Variants in ABCC4 observed in about 807,000 individuals in gnomAD.
ABCC4 encodes ATP-binding cassette sub-family C member 4.
Under a neutral mutation model 168.5 loss-of-function variants are expected in ABCC4, and 102 were observed. The ratio of observed to expected loss-of-function variants is 0.61; its 90% CI spans 0.52 to 0.71. The LOEUF is 0.71. Ranked by LOEUF, ABCC4 falls within the 30% of genes least tolerant of loss-of-function variation. ABCC4 has a pLI of 0.00. For missense variants in ABCC4, 1,402 were observed against 1,605.8 expected (o/e 0.87, Z 2.17); for synonymous variants, 617 against 590.7 (o/e 1.04, Z -0.65).
chr13:95,203,708 G>T (rs979642574), intron 8 of ABCC4, among the ~76,000 whole-genome samples: 12 of 151,842 alleles, frequency 7.9e-5, no homozygotes, highest in African/African-American at 2.4e-4. Context: ...ACAAGAGCAG[G>T]TCCACCAAGT....
chr13:95,083,771 C>A (rs1344427526), intron 20 of ABCC4, among the ~76,000 whole-genome samples: 1 of 152,114 alleles, frequency 6.6e-6, no homozygotes, highest in African/African-American at 2.4e-5. Flanking sequence ...GATCTGCCCA[C>A]CTCTGCCTCC....
chr13:95,080,340 G>A (rs2619308), intron 21 of ABCC4, among the ~76,000 whole-genome samples: 128,198 of 152,200 alleles, frequency 0.84, 55,769 homozygotes, highest in Non-Finnish European at 0.95. Context: ...GACTGTTGAT[G>A]TGGTGACTCT....
chr13:95,069,801 C>G (rs1319437078), intron 25 of ABCC4, among the ~76,000 whole-genome samples: 1 of 152,204 alleles, frequency 6.6e-6, no homozygotes, highest in Non-Finnish European at 1.5e-5. Flanking sequence ...GAATCACCTT[C>G]TTTTTAAGTC....
chr13:95,163,776 A>C, intron 16 of ABCC4, 129 bp from the exon 17 acceptor site: 6 of 740,720 alleles, frequency 8.1e-6, no homozygotes, highest in Non-Finnish European at 1.4e-5. Flanking sequence ...TCATGCTTGT[A>C]AACCCCAGCA....
intron 3 of ABCC4, among the ~76,000 whole-genome samples, chr13:95,245,230 T>C (rs1022827173): frequency 6.6e-5 from 10 of 152,202 alleles, no homozygotes; most frequent in Non-Finnish European, 1.2e-4. Context: ...TTCAATTTCA[T>C]AAGCAGCTGG....
chr13:95,249,090 G>C (rs2040190442), intron 1 of ABCC4, among the ~76,000 whole-genome samples: 1 of 151,912 alleles, frequency 6.6e-6, no homozygotes, highest in Non-Finnish European at 1.5e-5. Flanking sequence ...ATGTACTGGT[G>C]TAAGCCTGTG....
At chr13:95,250,486 G>T (rs1268220082) in intron 1 of ABCC4, among the ~76,000 whole-genome samples, 1 of 152,094 alleles carries the variant, frequency 6.6e-6, no homozygotes, top group Non-Finnish European at 1.5e-5. Context: ...AAGACAGATG[G>T]GTAGAGTACC....
chr13:95,256,405 C>T (rs1462143805), intron 1 of ABCC4, among the ~76,000 whole-genome samples: 1 of 152,206 alleles, frequency 6.6e-6, no homozygotes, highest in Non-Finnish European at 1.5e-5. Context: ...ATGCAGGGCT[C>T]ATTGTTGCCA....
At chr13:95,034,922 T>G (rs2032054830) in intron 29 of ABCC4, among the ~76,000 whole-genome samples, 183 bp from the exon 30 acceptor site, 1 of 152,164 alleles carries the variant, frequency 6.6e-6, no homozygotes, top group Non-Finnish European at 1.5e-5. Context: ...AACCTGACCT[T>G]TTATTACTAT....
chr13:95,119,710 T>C (rs9584281), intron 19 of ABCC4, among the ~76,000 whole-genome samples: 3,146 of 152,324 alleles, frequency 0.021, 41 homozygotes, highest in African/African-American at 0.038. Context: ...TAAGTTCCCA[T>C]GTCTACTGTG....
chr13:95,140,113 C>A (rs1001359725), intron 19 of ABCC4, among the ~76,000 whole-genome samples: 1 of 152,208 alleles, frequency 6.6e-6, no homozygotes, highest in African/African-American at 2.4e-5. Flanking sequence ...TTCCAAAAGT[C>A]TCCTCACTCA....
At chr13:95,104,403 C>T (rs915413577) in intron 20 of ABCC4, among the ~76,000 whole-genome samples, 6 of 152,220 alleles carry the variant, frequency 3.9e-5, no homozygotes, top group African/African-American at 1.4e-4. Context: ...CATGAAAAAA[C>T]ATGTCCGGGT....
At chr13:95,140,549 G>A (rs2036286717) in intron 19 of ABCC4, among the ~76,000 whole-genome samples, 1 of 152,162 alleles carries the variant, frequency 6.6e-6, no homozygotes, top group Non-Finnish European at 1.5e-5. Context: ...GAACTAAGAA[G>A]AGAGGAGAAA....
At chr13:95,131,108 C>G (rs1158244661) in intron 19 of ABCC4, among the ~76,000 whole-genome samples, 1 of 152,052 alleles carries the variant, frequency 6.6e-6, no homozygotes. Flanking sequence ...GTGCGTGCCA[C>G]CTAAATTAAT....
At position 95,113,567 on chromosome 13, in the gene ABCC4, T is replaced by TA. The variant is rs10719221; in HGVS notation, c.2535+2354dup. Among the ~76,000 whole-genome samples the TA allele has an allele frequency of 0.01, 1,535 of 147,428 alleles. 67 individuals carry two copies. In the East Asian group the frequency reaches 0.14, roughly 13 times the overall value. On this transcript the variant is annotated intron_variant, in intron 20 of 30. Transcript: ENST00000645237. ...TCCTTACAGAGAGGCCTAGGCAACT[T>TA]AAAAAAAAAAAAAAAAAATTACATT...
At chr13:95,135,442 T>C (rs1215791814) in intron 19 of ABCC4, among the ~76,000 whole-genome samples, 1 of 151,214 alleles carries the variant, frequency 6.6e-6, no homozygotes, top group Non-Finnish European at 1.5e-5. Context: ...TGAGAGGGTC[T>C]TGCTCTGTTG....
chr13:95,281,001 A>G (rs1403504329), intron 1 of ABCC4, among the ~76,000 whole-genome samples: 1 of 152,094 alleles, frequency 6.6e-6, no homozygotes, highest in Non-Finnish European at 1.5e-5. Context: ...AAGAGAACAG[A>G]GCCATCTCTT....
At chr13:95,240,352 T>C (rs1165530788) in intron 3 of ABCC4, among the ~76,000 whole-genome samples, 1 of 152,010 alleles carries the variant, frequency 6.6e-6, no homozygotes. Flanking sequence ...GCCAACATGG[T>C]GAAACCCCAT....
In ABCC4 at chr13:95,163,173, C is replaced by G; in HGVS notation, c.2257G>C (p.Gly753Arg). 1 of 1,613,306 alleles carries G rather than the reference C, an allele frequency of 6.2e-7. No individual in the cohort carries two copies. The highest frequency in any genetic ancestry group is 8.5e-7 in the Non-Finnish European group (1 of 1,179,520). Reference protein sequence around the residue: ...SMLNVTVNGGGNVTEKLDLNW... With the variant: ...SMLNVTVNGGRNVTEKLDLNW... ...AGATCTAGCTTCTCGGTTACATTTC[C>G]TCCTCCATTTACAGTGACATTTAGC... is the stretch of plus-strand genomic sequence containing the variant. Residue 753 changes from glycine (G) to arginine (R), a missense_variant, in exon 18 of 31, where the codon GGA becomes CGA. By Grantham distance (125) the Gly-to-Arg change is moderately radical (BLOSUM62 -2). Transcript: ENST00000645237.
Sources: allele counts gnomAD v4.1 joint callset (sites outside exome capture counted in the v4.1 genomes callset), GRCh38; gene constraint gnomAD v4.1.1; transcripts MANE v1.5; gene names NCBI Gene and HGNC (gene_info 2026-07-23, HGNC 2026-07-21).